The following RUFY1 variants were observed in gnomAD, a reference collection of about 807,000 sequenced individuals.
RUFY1 encodes the protein RUN and FYVE domain containing 1.
A neutral mutation model predicts 94.6 loss-of-function variants in RUFY1; 54 were observed. That is an observed-to-expected ratio of 0.57 (90% CI 0.46 to 0.72). The LOEUF is 0.72. Among genes scored for constraint, RUFY1 ranks in the 30% least tolerant of loss-of-function variants. The pLI is 0.00. For synonymous variants in RUFY1, 396 were observed against 347.3 expected (o/e 1.14, Z -1.56); for missense variants, 883 against 883.9 (o/e 1.00, Z 0.01).
Position 179,567,783 on chromosome 5 carries a change from A to G in RUFY1, c.704+221A>G, listed in dbSNP as rs7728415. ...GCCAGGTGTGGTGGCAGGTGCCTGT[A>G]ATCCCAGCTACTCAGAAGGCTGAGG... On this transcript the variant is annotated intron_variant, in intron 4 of 17. Coordinates refer to ENST00000319449, the MANE Select transcript of RUFY1 (RefSeq NM_025158.5). Among the ~76,000 whole-genome samples, 340 of 152,298 alleles carry G rather than the reference A, an allele frequency of 2.2e-3. 1 individual carries two copies. Among genetic ancestry groups the G allele is most frequent in the African/African-American group, 7.7e-3 (319 of 41,578 alleles).
intron 4 of RUFY1, 56 bp downstream of exon 4, chr5:179,567,618 G>A: frequency 1.5e-6 from 2 of 1,296,162 alleles, no homozygotes; most frequent in Non-Finnish European, 2.2e-6. Context: ...TAGAACATAG[G>A]CTGGGTGCGG....
chr5:179,580,241 G>GTGTATATATATA (rs149099074), intron 6 of RUFY1, among the ~76,000 whole-genome samples: 1,004 of 93,832 alleles, frequency 0.011, 15 homozygotes, highest in East Asian at 0.11. Context: ...GTGTGTGTGT[G>GTGTATATATATA]TATATTTTTT....
chr5:179,575,651 A>G (rs756928439), intron 5 of RUFY1, among the ~76,000 whole-genome samples: 5 of 152,166 alleles, frequency 3.3e-5, no homozygotes, highest in Non-Finnish European at 7.4e-5. Flanking sequence ...TCCTTTTGGT[A>G]GGTGTGTCAG....
rs1761792508 is a variant in RUFY1 at position 179,550,839 on chromosome 5, G to A, written c.270G>A (p.Gly90=). 1.2e-5 allele frequency: 15 copies of A among 1,229,696 alleles called. No homozygotes were observed. Among genetic ancestry groups the A allele is most frequent in the East Asian group, 3.5e-5 (1 of 28,666 alleles). The allele number at this position is 1,229,696 out of a possible 1,614,324, so 76.2% of individuals were successfully genotyped here. A position where few individuals can be genotyped will look rare whatever the true frequency, so the allele number is the denominator to read the frequency against. ...SCGSALRAAA[G]LGGGDSGDGT... ...GGAGCGCGCTGCGCGCGGCCGCGGG[G>A]CTGGGCGGCGGGGACAGCGGGGACG... Residue 90 remains glycine (G), a synonymous_variant, in exon 1 of 18, where the codon GGG becomes GGA. Transcript: ENST00000319449.
At chr5:179,590,331 G>T (rs1255960431) in intron 9 of RUFY1, among the ~76,000 whole-genome samples, 2 of 150,500 alleles carry the variant, frequency 1.3e-5, no homozygotes, top group Admixed American at 1.3e-4. Flanking sequence ...TCCAGCCTGG[G>T]CCATAGAGCA....
At chr5:179,590,156 G>A (rs559798051) in intron 9 of RUFY1, among the ~76,000 whole-genome samples, 3 of 152,050 alleles carry the variant, frequency 2.0e-5, no homozygotes, top group South Asian at 2.1e-4. Context: ...GATCGAGACT[G>A]TCCTGGCTAA....
rs59300402 is a variant in RUFY1, at chr5:179,580,245, A to ATATATATATATT, written c.891-701_891-700insATATATATATTT. Among the ~76,000 whole-genome samples the ATATATATATATT allele has an allele frequency of 6.9e-3, 562 of 81,662 alleles. 6 individuals carry two copies. Among genetic ancestry groups the ATATATATATATT allele is most frequent in the Admixed American group, 9.8e-3 (83 of 8,460 alleles). The allele number at this position is 81,662 out of a possible 152,430, so 53.6% of individuals were successfully genotyped here. A position where few individuals can be genotyped will look rare whatever the true frequency, so the allele number is the denominator to read the frequency against. On this transcript the variant is annotated intron_variant, in intron 6 of 17. Transcript: ENST00000319449. ...TGTGTGTGTGTGTGTGTGTGTGTAT[A>ATATATATATATT]TTTTTTTTTTTTTTTGAGACGGAGT...
At chr5:179,576,239 T>C (rs139081556) in intron 5 of RUFY1, among the ~76,000 whole-genome samples, 2,359 of 152,264 alleles carry the variant, frequency 0.015, 34 homozygotes, top group Middle Eastern at 0.037. Context: ...ACCTCACTTA[T>C]TCATTCTCAA....
chr5:179,604,339 A>G (rs964736656), intron 15 of RUFY1, among the ~76,000 whole-genome samples: 6 of 152,194 alleles, frequency 3.9e-5, no homozygotes, highest in Admixed American at 1.3e-4. Context: ...AACAGTTTCC[A>G]GTTTCATTGG....
chr5:179,569,354 G>T lies in RUFY1; in HGVS notation c.757G>T (p.Val253Phe). The change falls in exon 5 of 18, where the codon GTT (valine) becomes TTT (phenylalanine). Residue 253 changes from valine (V) to phenylalanine (F), a missense_variant. By Grantham distance (50) the Val-to-Phe change is conservative. Coordinates refer to ENST00000319449, the MANE Select transcript of RUFY1 (RefSeq NM_025158.5). ...GATGGAGGAAGAAGGGATGGTGATT[G>T]TTGGTCTGCTGGTGGGACTCAATGT... The part of the protein sequence containing the change: ...LMMEEEGMVI[V>F]GLLVGLNVLD... 1 of 1,613,816 alleles carries T rather than the reference G, an allele frequency of 6.2e-7. No homozygotes were observed.
At chr5:179,587,559 A>ATT (rs34633958) in intron 8 of RUFY1, among the ~76,000 whole-genome samples, 9 of 108,068 alleles carry the variant, frequency 8.3e-5, no homozygotes, top group African/African-American at 3.3e-4. Context: ...GCCCGGCTAA[A>ATT]TTTTTTTTTT....
chr5:179,588,957 C>G (rs965370755), intron 8 of RUFY1, among the ~76,000 whole-genome samples: 2 of 152,110 alleles, frequency 1.3e-5, no homozygotes, highest in African/African-American at 4.8e-5. Context: ...TCTCGAACTC[C>G]TGGGCTCAAG....
chr5:179,568,736 G>A (rs1474232738), intron 4 of RUFY1, among the ~76,000 whole-genome samples: 1 of 151,852 alleles, frequency 6.6e-6, no homozygotes. Context: ...AGTCTTATAC[G>A]CACACACACA....
intron 7 of RUFY1, 90 bp from the exon 8 acceptor site, chr5:179,585,706 A>G (rs1764555676): frequency 7.4e-6 from 7 of 946,440 alleles, no homozygotes; most frequent in Non-Finnish European, 8.4e-6. Context: ...TTCATACAGG[A>G]AATCTAGGAA....
chr5:179,589,337 G>C lies in RUFY1; in HGVS notation c.1027-209G>C, dbSNP rs143480316. 5.9e-5 allele frequency: 30 copies of C among 508,894 alleles called. No homozygotes were observed. The East Asian group carries it at 1.0e-3, about 17-fold the overall frequency. 31.5% of individuals were successfully genotyped at this position (508,894 alleles called of 1,614,324 possible). Reference sequence around the variant, plus strand: ...AATCTGGAGAGGGCAGAGATGGCTAGGGGCAAGGGCGGAGGAGAGATTTTA... The same window carrying C: ...AATCTGGAGAGGGCAGAGATGGCTACGGGCAAGGGCGGAGGAGAGATTTTA... On this transcript the variant is annotated intron_variant, in intron 8 of 17. Transcript: ENST00000319449.
chr5:179,607,753 C>A, intron 17 of RUFY1, 94 bp downstream of exon 17: 1 of 1,091,518 alleles, frequency 9.2e-7, no homozygotes, highest in Non-Finnish European at 1.4e-6. Context: ...TCAGAGCAGG[C>A]TCACTGCCCG....
rs767329453 is a variant in RUFY1 at position 179,609,399 on chromosome 5, C to G, written c.2007C>G (p.His669Gln). The G allele has an allele frequency of 6.2e-7, 1 of 1,613,618 alleles. No individual in the cohort carries two copies. The highest frequency in any genetic ancestry group is 1.7e-5 in the Admixed American group (1 of 59,994). The change falls in exon 18 of 18, where the codon CAC becomes CAG. Residue 669 changes from histidine (H) to glutamine (Q), a missense_variant. His to Gln is a conservative substitution (Grantham distance 24). Transcript: ENST00000319449. ...AGCACCACTGCCGGAACTGTGGCCA[C>G]ATCTTCTGCAACACCTGCTCCAGCA... ...RRKHHCRNCG[H>Q]IFCNTCSSNE...
Position 179,596,786 on chromosome 5 carries a change from G to A in RUFY1, c.1631+105G>A. The A allele has an allele frequency of 8.4e-6, 3 of 358,190 alleles. 1 individual carries two copies. Among genetic ancestry groups the A allele is most frequent in the Non-Finnish European group, 5.1e-6 (1 of 194,616 alleles). 22.2% of individuals were successfully genotyped at this position (358,190 alleles called of 1,614,324 possible). On this transcript the variant is annotated intron_variant, in intron 13 of 17. Coordinates refer to ENST00000319449, the MANE Select transcript of RUFY1 (RefSeq NM_025158.5). ...TTCAGCACGAACGGGAGGAGGGGGG[G>A]CGGGGGGGCAGGTGGTATCCTGCTT...
rs751378551 is a variant in RUFY1 at position 179,550,616 on chromosome 5, T to TGGAGCC, written c.53_58dup (p.Pro18_Glu19dup). ...TGCGCTGCTGGGCGGGGGCGGGAGC[T>TGGAGCC]GGAGCCGGAGCTGGAGCCGGGGCCG... is the stretch of plus-strand genomic sequence containing the variant. On this transcript the variant is annotated inframe_insertion, in exon 1 of 18. Transcript: ENST00000319449. The TGGAGCC allele has an allele frequency of 2.8e-5, 36 of 1,302,388 alleles. No homozygotes were observed. The highest frequency in any genetic ancestry group is 1.5e-5 in the South Asian group (1 of 67,044). 80.7% of individuals were successfully genotyped at this position (1,302,388 alleles called of 1,614,324 possible).
Sources: gnomAD v4.1 joint callset for allele counts (sites outside exome capture counted in the v4.1 genomes callset) on GRCh38, gnomAD v4.1.1 for gene constraint, MANE v1.5 for transcripts, NCBI Gene and HGNC (gene_info 2026-07-23, HGNC 2026-07-21) for gene names.